Variants in RTBDN observed in about 807,000 individuals in gnomAD.
RTBDN encodes the protein retbindin.
RTBDN carries 24 observed loss-of-function variants against 21.9 expected under a neutral mutation model. The ratio of observed to expected loss-of-function variants is 1.10; its 90% CI spans 0.79 to 1.54. The LOEUF is 1.54. RTBDN is among the 40% of genes most tolerant of loss of function. RTBDN has a pLI of 0.00. For missense variants in RTBDN, 325 were observed against 315.2 expected (o/e 1.03, Z -0.23); for synonymous variants, 141 against 125.9 (o/e 1.12, Z -0.80).
chr19:12,829,054 T>C (rs766416068), intron 2 of RTBDN, 101 bp from the exon 3 acceptor site: 10 of 1,540,054 alleles, frequency 6.5e-6, no homozygotes, highest in Non-Finnish European at 8.8e-6. Context: ...AACAATTACA[T>C]CAATCCTCAC....
rs1456321244 is a variant in RTBDN, at chr19:12,830,872, A to G, written c.-18-875T>C. Among the ~76,000 whole-genome samples, 1 of 143,258 alleles carries G rather than the reference A, an allele frequency of 7.0e-6. No homozygotes were observed. Among genetic ancestry groups the G allele is most frequent in the Non-Finnish European group, 1.5e-5 (1 of 65,368 alleles). The allele number at this position is 143,258 out of a possible 152,430, so 94.0% of individuals were successfully genotyped here. A position where few individuals can be genotyped will look rare whatever the true frequency, so the allele number is the denominator to read the frequency against. On this transcript the variant is annotated intron_variant, in intron 1 of 5. Transcript: ENST00000674343. This position sits in a 1 kb window ranked among gnomAD's most constrained non-coding sequence, Gnocchi z 4.2. ...GTGTGTGTGTGTGTGTATGTGTGTG[A>G]GGAAGGTGTGTTTGTGTGGCCTATA... is the stretch of plus-strand genomic sequence containing the variant.
Position 12,826,846 on chromosome 19 carries a change from T to C in RTBDN, c.391A>G (p.Thr131Ala). Residue 131 changes from threonine (T) to alanine (A), a missense_variant, in exon 5 of 6, where the codon ACC becomes GCC. Coordinates refer to ENST00000674343, the MANE Select transcript of RTBDN (RefSeq NM_001270441.2). ...AGTGGGAGCCAAGTCGGGCCGCAGGTGATATCATCTTCGCAGTTGGCGAAC... is the reference window on the plus strand; with the variant it reads ...AGTGGGAGCCAAGTCGGGCCGCAGGCGATATCATCTTCGCAGTTGGCGAAC... ...AWFANCEDDI[T>A]CGPTWLPLSE... The C allele has an allele frequency of 6.4e-7, 1 of 1,552,752 alleles. No individual in the cohort carries two copies. The highest frequency in any genetic ancestry group is 8.7e-7 in the Non-Finnish European group (1 of 1,148,514).
chr19:12,834,967 C>A (rs561650407), upstream of RTBDN: 39 of 1,548,838 alleles, frequency 2.5e-5, no homozygotes. This position sits in a 1 kb window ranked among gnomAD's most constrained non-coding sequence, Gnocchi z 4.7. Flanking sequence ...TTCTGAGCCT[C>A]CTTGGGGCTC....
intron 4 of RTBDN, among the ~76,000 whole-genome samples, chr19:12,827,314 CGATT>C (rs894237434): frequency 7.7e-5 from 11 of 143,566 alleles, no homozygotes; most frequent in African/African-American, 2.9e-4. Context: ...CCATCATGTC[CGATT>C]AATTTTTTTT....
Position 12,834,430 on chromosome 19 carries a change from C to G in RTBDN, c.-19+59G>C. The stretch of plus-strand genomic sequence containing the variant: ...AAACATGTTTGTGCGGCAACCTCGC[C>G]CCTCACCACCCCAGGAGCCCCCTCC... On this transcript the variant is annotated intron_variant, in intron 1 of 5. Coordinates refer to ENST00000674343, the MANE Select transcript of RTBDN (RefSeq NM_001270441.2). This position sits in a 1 kb window ranked among gnomAD's most constrained non-coding sequence, Gnocchi z 4.7. 1 of 1,341,372 alleles carries G rather than the reference C, an allele frequency of 7.5e-7. No individual in the cohort carries two copies. Among genetic ancestry groups the G allele is most frequent in the Non-Finnish European group, 1.0e-6 (1 of 973,284 alleles). The allele number at this position is 1,341,372 out of a possible 1,614,324, so 83.1% of individuals were successfully genotyped here.
intron 4 of RTBDN, among the ~76,000 whole-genome samples, chr19:12,827,349 G>A (rs1969351469): frequency 7.1e-6 from 1 of 141,660 alleles, no homozygotes; most frequent in African/African-American, 2.7e-5. Context: ...TTGAGATGGA[G>A]TCCTGCTCTG....
Position 12,830,055 on chromosome 19 carries a change from A to T in RTBDN, c.-18-58T>A, listed in dbSNP as rs946071693. On this transcript the variant is annotated intron_variant, in intron 1 of 5. Coordinates refer to ENST00000674343, the MANE Select transcript of RTBDN (RefSeq NM_001270441.2). The surrounding 1 kb of genome is among the most constrained non-coding windows in gnomAD (Gnocchi z 4.2). The stretch of plus-strand genomic sequence containing the variant: ...TTTCTGTGAGCTTAGGGTGGCACCC[A>T]CCCAGTGCATACCCAAGAAGCAGTG... The T allele has an allele frequency of 6.5e-7, 1 of 1,547,258 alleles. No individual in the cohort carries two copies.
chr19:12,826,401 A>T, intron 5 of RTBDN: 2 of 1,272,094 alleles, frequency 1.6e-6, no homozygotes, highest in Non-Finnish European at 2.0e-6. Flanking sequence ...GGTAAGAAAG[A>T]ACTTGGTGGG....
intron 5 of RTBDN, 165 bp from the exon 6 acceptor site, chr19:12,826,098 G>A: frequency 7.1e-7 from 1 of 1,407,320 alleles, no homozygotes. Context: ...AGGTCCTTGG[G>A]GAGGGTGAAT....
chr19:12,835,104 G>A, upstream of RTBDN: 1 of 1,612,980 alleles, frequency 6.2e-7, no homozygotes, highest in East Asian at 2.2e-5. Context: ...TCCATTTCTA[G>A]ACTCCCCTAA....
At chr19:12,833,838 C>A in intron 1 of RTBDN, 1 of 328,952 alleles carries the variant, frequency 3.0e-6, no homozygotes, top group Non-Finnish European at 5.5e-6. Context: ...GCCCCCGCCA[C>A]CCCTCCCCTC....
upstream of RTBDN, chr19:12,834,879 A>G: frequency 5.0e-6 from 8 of 1,611,298 alleles, no homozygotes; most frequent in Non-Finnish European, 6.8e-6. This position sits in a 1 kb window ranked among gnomAD's most constrained non-coding sequence, Gnocchi z 4.7. Flanking sequence ...CAGGGTTAAT[A>G]CGGAGGTCCG....
intron 5 of RTBDN, 115 bp downstream of exon 5, chr19:12,826,660 C>T (rs1230648520): frequency 2.3e-6 from 2 of 859,848 alleles, no homozygotes; most frequent in African/African-American, 3.4e-5. Context: ...CGCCACTGCA[C>T]TCCAGCCTGG....
chr19:12,826,347 C>T, intron 5 of RTBDN: 1 of 1,240,910 alleles, frequency 8.1e-7, no homozygotes, highest in Non-Finnish European at 1.0e-6. Context: ...AGGGTGGGAG[C>T]AGGGACCTGG....
upstream of RTBDN, chr19:12,835,191 GAAGGA>G: frequency 7.8e-7 from 1 of 1,281,898 alleles, no homozygotes. Flanking sequence ...CAGACTGCAG[GAAGGA>G]CCTTCCAGGC....
In RTBDN at chr19:12,834,207, A is replaced by G. The variant is rs1162858206; in HGVS notation, c.-19+282T>C. ...CCCCTCAGGCGCCGCCCGGCGATCC[A>G]GGGAGCTGCCGGAGGGGTGCAGCCT... On this transcript the variant is annotated intron_variant, in intron 1 of 5. Transcript: ENST00000674343. This position sits in a 1 kb window ranked among gnomAD's most constrained non-coding sequence, Gnocchi z 4.7. 2.0e-5 allele frequency among the ~76,000 whole-genome samples: 3 copies of G among 151,994 alleles called. No individual in the cohort carries two copies. The highest frequency in any genetic ancestry group is 4.4e-5 in the Non-Finnish European group (3 of 67,956).
At chr19:12,827,164 T>G (rs1264092515) in intron 4 of RTBDN, among the ~76,000 whole-genome samples, 1 of 152,096 alleles carries the variant, frequency 6.6e-6, no homozygotes, top group African/African-American at 2.4e-5. Context: ...TTCCTTTTAT[T>G]TATTTTTGAG....
In RTBDN at chr19:12,834,116, C is replaced by A; in HGVS notation, c.-19+373G>T. On this transcript the variant is annotated intron_variant, in intron 1 of 5. Coordinates refer to ENST00000674343, the MANE Select transcript of RTBDN (RefSeq NM_001270441.2). This position sits in a 1 kb window ranked among gnomAD's most constrained non-coding sequence, Gnocchi z 4.7. Reference sequence around the variant, plus strand: ...TAGGGTCAGCCGGGACGCCCCCACCCATAGGTTCGGGACGCTAACCGCGGG... The same window carrying A: ...TAGGGTCAGCCGGGACGCCCCCACCAATAGGTTCGGGACGCTAACCGCGGG... 2.5e-6 allele frequency: 1 copy of A among 400,354 alleles called. No individual in the cohort carries two copies. Among genetic ancestry groups the A allele is most frequent in the South Asian group, 1.2e-4 (1 of 8,326 alleles). The allele number at this position is 400,354 out of a possible 1,614,324, so 24.8% of individuals were successfully genotyped here.
chr19:12,835,068 G>A (rs1037999531), upstream of RTBDN: 7 of 1,611,804 alleles, frequency 4.3e-6, no homozygotes, highest in Non-Finnish European at 5.9e-6. Context: ...GGGAAAAGAG[G>A]ATTCAAACCC....
Sources: allele counts gnomAD v4.1 joint callset (sites outside exome capture counted in the v4.1 genomes callset), GRCh38; gene constraint gnomAD v4.1.1; non-coding constraint Gnocchi (gnomAD v3.1); transcripts MANE v1.5; gene names NCBI Gene and HGNC (gene_info 2026-07-23, HGNC 2026-07-21).